Variants in SCARF2 observed in about 807,000 individuals in gnomAD.
The protein encoded by SCARF2 is scavenger receptor class F member 2, also known as scavenger receptor expressed by endothelial cells 2 protein.
Under a neutral mutation model 73.4 loss-of-function variants are expected in SCARF2, and 39 were observed. That is an observed-to-expected ratio of 0.53 (90% CI 0.41 to 0.69). SCARF2 has a LOEUF of 0.69. Among genes scored for constraint, SCARF2 ranks in the 30% least tolerant of loss-of-function variants. SCARF2 has a pLI of 0.00. For missense variants in SCARF2, 1,148 were observed against 1,303.5 expected (o/e 0.88, Z 1.84); for synonymous variants, 605 against 590.0 (o/e 1.03, Z -0.37).
chr22:20,426,151 C>T lies in SCARF2; in HGVS notation c.1825G>A (p.Glu609Lys), dbSNP rs756688442. ...CCCTCCACGCTGGACGCCGACCGCT[C>T]GCTGTCGGAGGACGCGGGGAGGGGT... ...AIPLPASSDS[E>K]RSASSVEGPG... Residue 609 changes from glutamate (E) to lysine (K), a missense_variant, in exon 11 of 11, where the codon GAG becomes AAG. This residue lies in a region of SCARF2 where 437 missense variants were observed against 433.6 expected (regional missense o/e 1.01). Transcript: ENST00000622235. The T allele has an allele frequency of 8.2e-6, 12 of 1,471,978 alleles. No homozygotes were observed. The highest frequency in any genetic ancestry group is 2.6e-5 in the East Asian group (1 of 38,350). The allele number at this position is 1,471,978 out of a possible 1,614,324, so 91.2% of individuals were successfully genotyped here. A position where few individuals can be genotyped will look rare whatever the true frequency, so the allele number is the denominator to read the frequency against.
chr22:20,432,233 C>G (rs560085203), intron 1 of SCARF2, among the ~76,000 whole-genome samples: 4 of 152,294 alleles, frequency 2.6e-5, no homozygotes, highest in African/African-American at 9.6e-5. Context: ...CCTTTGTGTC[C>G]TCCTCCCACA....
chr22:20,433,117 G>C (rs2146134780), intron 1 of SCARF2, among the ~76,000 whole-genome samples: 1 of 152,330 alleles, frequency 6.6e-6, no homozygotes, highest in South Asian at 2.1e-4. Context: ...CTAAAACCCT[G>C]GGTGGATGGG....
intron 6 of SCARF2, 103 bp downstream of exon 6, chr22:20,430,326 G>A: frequency 1.4e-6 from 2 of 1,389,632 alleles, no homozygotes; most frequent in East Asian, 2.5e-5. Flanking sequence ...GACCAAGGCT[G>A]AGGTGATAAC....
At position 20,426,025 on chromosome 22, in the gene SCARF2, G is replaced by A; in HGVS notation, c.1951C>T (p.Arg651Cys). The change falls in exon 11 of 11, where the codon CGC (arginine) becomes TGC (cysteine). Residue 651 changes from arginine to cysteine, a missense_variant. By Grantham distance (180) the Arg-to-Cys change is radical (BLOSUM62 -3). This residue lies in a region of SCARF2 where 437 missense variants were observed against 433.6 expected (regional missense o/e 1.01). Transcript: ENST00000622235. ...GGGTCAGGTGGCGGCGGTTTCCTGCGCTCGGGCGATGGCGACAGCGACAGG... is the reference window on the plus strand; with the variant it reads ...GGGTCAGGTGGCGGCGGTTTCCTGCACTCGGGCGATGGCGACAGCGACAGG... ...GGLSLSPSPERRKPPPPDPAT... is the reference protein window; with the variant it reads ...GGLSLSPSPECRKPPPPDPAT... The A allele has an allele frequency of 6.3e-7, 1 of 1,579,826 alleles. No individual in the cohort carries two copies. The highest frequency in any genetic ancestry group is 2.4e-5 in the East Asian group (1 of 42,028).
rs1224531404 is a variant in SCARF2, at chr22:20,425,453, G to C, written c.2523C>G (p.Thr841=). ...LPAPETPRKK[T]PIQKPPRKKS... ...TCTTGCGCGGCGGCTTCTGGATGGG[G>C]GTCTTCTTCCGGGGGGTCTCAGGCG... The change falls in exon 11 of 11, where the codon ACC becomes ACG. Residue 841 remains threonine, a synonymous_variant. Transcript: ENST00000622235. This position sits in a 1 kb window ranked among gnomAD's most constrained non-coding sequence, Gnocchi z 4.6. The C allele has an allele frequency of 1.4e-6, 2 of 1,420,096 alleles. No homozygotes were observed. Among genetic ancestry groups the C allele is most frequent in the African/African-American group, 3.0e-5 (2 of 67,788 alleles). 88.0% of individuals were successfully genotyped at this position (1,420,096 alleles called of 1,614,324 possible). A position where few individuals can be genotyped will look rare whatever the true frequency, so the allele number is the denominator to read the frequency against.
At chr22:20,431,904 C>T (rs2052653840) in intron 2 of SCARF2, 26 bp downstream of exon 2, 2 of 1,604,692 alleles carry the variant, frequency 1.2e-6, no homozygotes, top group Admixed American at 3.4e-5. Context: ...CTCCCCCGCC[C>T]CAGGTCCCCG....
chr22:20,428,552 C>A (rs2052606139), intron 9 of SCARF2, among the ~76,000 whole-genome samples: 1 of 152,216 alleles, frequency 6.6e-6, no homozygotes, highest in Non-Finnish European at 1.5e-5. Flanking sequence ...GATCCACCTG[C>A]CTCGGCCTCC....
Position 20,425,699 on chromosome 22 carries a change from G to A in SCARF2, c.2277C>T (p.Pro759=). The change falls in exon 11 of 11, where the codon CCC becomes CCT. Residue 759 remains proline (P), a synonymous_variant. Coordinates refer to ENST00000622235, the MANE Select transcript of SCARF2 (RefSeq NM_182895.5). The surrounding 1 kb of genome is among the most constrained non-coding windows in gnomAD (Gnocchi z 4.6). ...AGGCAGCCTCGGGCGCGCTTCGCGG[G>A]GGACCGCCGGCGTCCGTGGGCTCCA... The part of the protein sequence containing the change: ...GLLEPTDAGG[P]PRSAPEAASM... 8.1e-7 allele frequency: 1 copy of A among 1,231,256 alleles called. No homozygotes were observed. The highest frequency in any genetic ancestry group is 1.0e-6 in the Non-Finnish European group (1 of 989,076). The allele number at this position is 1,231,256 out of a possible 1,614,324, so 76.3% of individuals were successfully genotyped here. A position where few individuals can be genotyped will look rare whatever the true frequency, so the allele number is the denominator to read the frequency against.
intron 1 of SCARF2, 119 bp from the exon 2 acceptor site, chr22:20,432,107 G>A (rs984302440): frequency 2.8e-6 from 3 of 1,060,690 alleles, no homozygotes. Context: ...CCTGTCCTAG[G>A]GGGGTGGTTA....
chr22:20,430,795 T>C lies in SCARF2; in HGVS notation c.968A>G (p.Tyr323Cys). 6.2e-7 allele frequency: 1 copy of C among 1,606,556 alleles called. No individual in the cohort carries two copies. Among genetic ancestry groups the C allele is most frequent in the Non-Finnish European group, 8.5e-7 (1 of 1,177,464 alleles). The part of the protein sequence containing the change: ...KCDQPCATGF[Y>C]GEGCSHRCPP... ...ACAGCGGTGGCTGCAGCCCTCGCCA[T>C]AGAAACCGGTGGCGCAAGGCTGGTC... is the stretch of plus-strand genomic sequence containing the variant. Residue 323 changes from tyrosine to cysteine, a missense_variant, in exon 5 of 11, where the codon TAT becomes TGT. Tyr to Cys is a radical substitution (Grantham distance 194). Around this residue, in one of 5 missense-constraint regions of SCARF2, gnomAD observed 372 missense variants for 532.0 expected, o/e 0.70. Coordinates refer to ENST00000622235, the MANE Select transcript of SCARF2 (RefSeq NM_182895.5).
At chr22:20,435,254 G>GA (rs1373507325) in intron 1 of SCARF2, among the ~76,000 whole-genome samples, 2 of 152,152 alleles carry the variant, frequency 1.3e-5, no homozygotes, top group Non-Finnish European at 2.9e-5. Context: ...GATCCATTGA[G>GA]AAAAAAGACG....
At chr22:20,430,067 C>T (rs2052625371) in intron 6 of SCARF2, 2 of 615,948 alleles carry the variant, frequency 3.2e-6, no homozygotes, top group South Asian at 2.0e-5. Flanking sequence ...GGGATAGGAC[C>T]CGTGGTGGCC....
At chr22:20,431,568 C>G in intron 3 of SCARF2, 31 bp from the exon 4 acceptor site, 1 of 1,553,290 alleles carries the variant, frequency 6.4e-7, no homozygotes. Flanking sequence ...GGGTGGAAGG[C>G]CCCGGTGCTT....
chr22:20,427,944 C>T (rs929077500), intron 9 of SCARF2, among the ~76,000 whole-genome samples: 11 of 152,216 alleles, frequency 7.2e-5, no homozygotes, highest in African/African-American at 2.7e-4. Context: ...AGCCTTGGAG[C>T]ACTTCTGAGC....
rs768865379 is a variant in SCARF2, at chr22:20,429,884, C to G, written c.1203-51G>C. The G allele has an allele frequency of 6.4e-7, 1 of 1,569,372 alleles. No homozygotes were observed. Among genetic ancestry groups the G allele is most frequent in the South Asian group, 1.1e-5 (1 of 88,722 alleles). On this transcript the variant is annotated intron_variant, in intron 6 of 10. Transcript: ENST00000622235. The surrounding 1 kb of genome is among the most constrained non-coding windows in gnomAD (Gnocchi z 5.2). ...GCCACAGCCGCCCCCCTAGGATGCC[C>G]CCTACCCTCACCCCTCACCCGCGGC...
rs558303040 is a variant in SCARF2, at chr22:20,429,480, G to A, written c.1424+56C>T. On this transcript the variant is annotated intron_variant, in intron 8 of 10. Coordinates refer to ENST00000622235, the MANE Select transcript of SCARF2 (RefSeq NM_182895.5). The surrounding 1 kb of genome is among the most constrained non-coding windows in gnomAD (Gnocchi z 5.2). ...GGAAGGGTTGGATCTGGGTCCGGTG[G>A]CACCCAGAGGGTGCGGCCTGAACCC... The A allele has an allele frequency of 7.5e-6, 12 of 1,600,476 alleles. No individual in the cohort carries two copies. The East Asian group carries it at 2.5e-4, about 33-fold the overall frequency.
chr22:20,427,081 A>C (rs768398087), intron 10 of SCARF2, among the ~76,000 whole-genome samples: 1 of 151,764 alleles, frequency 6.6e-6, no homozygotes, highest in African/African-American at 2.4e-5. Flanking sequence ...TGTGGATCCA[A>C]CTCCCATACT....
intron 9 of SCARF2, among the ~76,000 whole-genome samples, chr22:20,428,979 C>A (rs1277809971): frequency 3.3e-5 from 5 of 152,128 alleles, no homozygotes; most frequent in Non-Finnish European, 2.9e-5. Context: ...CTCTCAGGGC[C>A]AACGTTTCTG....
intron 4 of SCARF2, 21 bp from the exon 5 acceptor site, chr22:20,430,929 T>A: frequency 6.4e-7 from 1 of 1,570,990 alleles, no homozygotes; most frequent in Non-Finnish European, 8.6e-7. Flanking sequence ...GGTCGGAGGC[T>A]AGGGAAGGCT....
Sources: allele counts gnomAD v4.1 joint callset (sites outside exome capture counted in the v4.1 genomes callset), GRCh38; gene constraint gnomAD v4.1.1; regional missense constraint gnomAD v4.1.1; non-coding constraint Gnocchi (gnomAD v3.1); transcripts MANE v1.5; gene names NCBI Gene and HGNC (gene_info 2026-07-23, HGNC 2026-07-21).